FRMPD2: variants seen among roughly 807,000 people sequenced by gnomAD.
FRMPD2 encodes FERM and PDZ domain containing 2, also known as FERM and PDZ domain-containing protein 2.
In FRMPD2, 96 loss-of-function variants were observed where a neutral mutation model predicts 140.1. The ratio of observed to expected loss-of-function variants is 0.69; its 90% confidence interval spans 0.58 to 0.81. FRMPD2 has a LOEUF of 0.81. Among genes scored for constraint, FRMPD2 ranks in the 40% least tolerant of loss-of-function variants. The probability of loss-of-function intolerance (pLI) is 0.00; values close to 1 mark genes in which losing one functional copy is unlikely to be tolerated. For missense variants in FRMPD2, 1,240 were observed against 1,447.4 expected, an observed-to-expected ratio of 0.86 and a Z score of 2.32; for synonymous variants, 449 against 547.6, an observed-to-expected ratio of 0.82 and a Z score of 2.52.
chr10:48,251,909 T>C (rs1250906651), intron 1 of FRMPD2, among the ~76,000 whole-genome samples: 1 of 152,214 alleles, frequency 6.6e-6, no homozygotes, highest in African/African-American at 2.4e-5. Context: ...GGCTGGTCGG[T>C]TCTCAGTGAA....
intron 12 of FRMPD2, among the ~76,000 whole-genome samples, chr10:48,219,385 T>C (rs1414693655): frequency 6.6e-6 from 1 of 152,142 alleles, no homozygotes; most frequent in South Asian, 2.1e-4. Flanking sequence ...GCATGCTGGC[T>C]GGGAGGTCAC....
At chr10:48,254,933 C>T (rs959833254) in intron 1 of FRMPD2, among the ~76,000 whole-genome samples, 1 of 152,184 alleles carries the variant, frequency 6.6e-6, no homozygotes, top group Admixed American at 6.5e-5. Flanking sequence ...CACCAAGATG[C>T]CTCTGGGCTC....
rs1030716112 is a variant in FRMPD2, at chr10:48,201,361, G to A, written c.1821C>T (p.Ser607=). ...STYQKKFTIT[S]SVTGKKHTFV... The stretch of plus-strand genomic sequence containing the variant: ...ATGTGTGCTTCTTCCCAGTGACACT[G>A]CTTGTGATGGTGAACTTTTTTTGCT... The change falls in exon 15 of 29, where the codon AGC becomes AGT. Residue 607 remains serine (S), a synonymous_variant. Transcript: ENST00000374201. 1.2e-6 allele frequency: 2 copies of A among 1,613,600 alleles called. No individual in the cohort carries two copies. Among genetic ancestry groups the A allele is most frequent in the Non-Finnish European group, 1.7e-6 (2 of 1,179,678 alleles).
At chr10:48,203,599 T>G (rs934860719) in intron 14 of FRMPD2, among the ~76,000 whole-genome samples, 26 of 152,176 alleles carry the variant, frequency 1.7e-4, no homozygotes, top group African/African-American at 6.0e-4. Context: ...ATTTTGAATA[T>G]TTTCATCCCT....
chr10:48,226,005 G>A (rs1199530942), intron 10 of FRMPD2, among the ~76,000 whole-genome samples: 2 of 152,154 alleles, frequency 1.3e-5, no homozygotes, highest in African/African-American at 4.8e-5. Context: ...TTGGTTGTTT[G>A]TGTACAGAAT....
At chr10:48,247,419 G>A (rs1840275367) in intron 3 of FRMPD2, among the ~76,000 whole-genome samples, 2 of 152,242 alleles carry the variant, frequency 1.3e-5, no homozygotes, top group Admixed American at 1.3e-4. Flanking sequence ...CAATGACAGT[G>A]TAGAGAAAAT....
intron 25 of FRMPD2, 130 bp downstream of exon 25, chr10:48,172,816 A>G (rs1464560103): frequency 1.3e-4 from 108 of 841,262 alleles, no homozygotes; most frequent in Admixed American, 3.3e-4. Context: ...AGATCTCAGC[A>G]TGATCACTAT....
At chr10:48,192,934 A>C (rs760693611) in intron 15 of FRMPD2, 40 bp from the exon 16 acceptor site, 3 of 1,436,086 alleles carry the variant, frequency 2.1e-6, no homozygotes, top group Non-Finnish European at 9.8e-7. Flanking sequence ...CACACACACA[A>C]GAATGATGCT....
At chr10:48,183,093 T>C (rs1301132610) in intron 20 of FRMPD2, among the ~76,000 whole-genome samples, 1 of 152,204 alleles carries the variant, frequency 6.6e-6, no homozygotes, top group East Asian at 1.9e-4. Context: ...TGCATGGCAC[T>C]GTGTACAGGT....
intron 3 of FRMPD2, chr10:48,248,773 A>C: frequency 6.1e-6 from 2 of 330,342 alleles, no homozygotes; most frequent in Non-Finnish European, 1.1e-5. Flanking sequence ...TAACCTGATC[A>C]ATTAAGCCAC....
At chr10:48,176,096 T>C in intron 22 of FRMPD2, 157 bp from the exon 23 acceptor site, 2 of 642,238 alleles carry the variant, frequency 3.1e-6, no homozygotes, top group South Asian at 1.8e-5. Flanking sequence ...TCGTTTAGAT[T>C]GTATTCTCCA....
At chr10:48,231,024 T>G (rs1839836975) in intron 10 of FRMPD2, among the ~76,000 whole-genome samples, 1 of 152,206 alleles carries the variant, frequency 6.6e-6, no homozygotes, top group Non-Finnish European at 1.5e-5. Flanking sequence ...GTTGCTTAAA[T>G]GAAGCTGAAA....
intron 12 of FRMPD2, among the ~76,000 whole-genome samples, chr10:48,217,770 C>T (rs2131894458): frequency 6.6e-6 from 1 of 152,298 alleles, no homozygotes; most frequent in East Asian, 1.9e-4. Context: ...CTCTTTAATC[C>T]AGTTCCAGAA....
intron 1 of FRMPD2, among the ~76,000 whole-genome samples, chr10:48,266,080 C>T (rs1840672836): frequency 1.3e-5 from 2 of 152,144 alleles, no homozygotes; most frequent in South Asian, 4.1e-4. Context: ...ATGGTTGGAG[C>T]AGGAGACCAT....
At chr10:48,159,592 A>G (rs1837879100) in intron 28 of FRMPD2, among the ~76,000 whole-genome samples, 1 of 151,840 alleles carries the variant, frequency 6.6e-6, no homozygotes, top group South Asian at 2.1e-4. Flanking sequence ...CTGGCCTCCT[A>G]ATTATCTTTT....
chr10:48,202,275 T>C (rs1190657121), intron 14 of FRMPD2, among the ~76,000 whole-genome samples: 1 of 152,190 alleles, frequency 6.6e-6, no homozygotes, highest in African/African-American at 2.4e-5. Context: ...AAGGTAACTT[T>C]ATAGAAACAG....
chr10:48,189,283 G>A (rs1838771869), intron 16 of FRMPD2, among the ~76,000 whole-genome samples: 1 of 152,180 alleles, frequency 6.6e-6, no homozygotes, highest in South Asian at 2.1e-4. Flanking sequence ...TGCCCTAACT[G>A]GAGCCAGCGA....
At chr10:48,195,283 T>G (rs1364227750) in intron 15 of FRMPD2, among the ~76,000 whole-genome samples, 1 of 152,230 alleles carries the variant, frequency 6.6e-6, no homozygotes, top group Non-Finnish European at 1.5e-5. Flanking sequence ...TCCTGCCTAT[T>G]TAGTCCTGAA....
chr10:48,184,722 A>G (rs1564418053), intron 19 of FRMPD2, 40 bp from the exon 20 acceptor site: 3 of 1,593,282 alleles, frequency 1.9e-6, no homozygotes, highest in Non-Finnish European at 2.6e-6. Flanking sequence ...TCAAGGAAAT[A>G]AAAAAGAGTG....
Sources: allele counts gnomAD v4.1 joint callset (sites outside exome capture counted in the v4.1 genomes callset), GRCh38; gene constraint gnomAD v4.1.1; transcripts MANE v1.5; gene names NCBI Gene and HGNC (gene_info 2026-07-23, HGNC 2026-07-21).